WEE1: variants seen among roughly 807,000 people sequenced by gnomAD.
The protein encoded by WEE1 is wee1-like protein kinase.
A neutral mutation model predicts 68.8 loss-of-function variants in WEE1; 16 were observed. The ratio of observed to expected loss-of-function variants is 0.23; its 90% confidence interval spans 0.16 to 0.35. The LOEUF is 0.35. Among genes scored for constraint, WEE1 ranks in the 10% least tolerant of loss-of-function variants. WEE1 has a pLI of 1.00. For synonymous variants in WEE1, 349 were observed against 318.7 expected (o/e 1.09, Z -1.01); for missense variants, 651 against 824.1 (o/e 0.79, Z 2.57).
At chr11:9,577,808 G>C in intron 5 of WEE1, 2 of 448,896 alleles carry the variant, frequency 4.5e-6, no homozygotes, top group Non-Finnish European at 8.9e-6. Flanking sequence ...TCTCTAGCTT[G>C]TCGTCTCTCC....
At position 9,573,716 on chromosome 11, in the gene WEE1, C is replaced by T; in HGVS notation, c.-218C>T. The T allele has an allele frequency of 5.1e-6, 1 of 197,068 alleles. No individual in the cohort carries two copies. The highest frequency in any genetic ancestry group is 9.9e-6 in the Non-Finnish European group (1 of 100,548). The allele number at this position is 197,068 out of a possible 1,614,324, so 12.2% of individuals were successfully genotyped here. A position where few individuals can be genotyped will look rare whatever the true frequency, so the allele number is the denominator to read the frequency against. On this transcript the variant is annotated 5_prime_UTR_variant, in exon 1 of 11. Coordinates refer to ENST00000450114, the MANE Select transcript of WEE1 (RefSeq NM_003390.4). The stretch of plus-strand genomic sequence containing the variant: ...ACCTGAGGAGACCTCAGCCTCGGTG[C>T]TCGGGCCGCCCCGCCTCTGCCGGAA...
intron 6 of WEE1, among the ~76,000 whole-genome samples, chr11:9,584,431 C>T (rs1441174646): frequency 6.6e-6 from 1 of 152,154 alleles, no homozygotes; most frequent in Non-Finnish European, 1.5e-5. Context: ...CAGGCTTGAG[C>T]CACCATACCT....
At position 9,576,146 on chromosome 11, in the gene WEE1, G is replaced by C; in HGVS notation, c.782+53G>C. ...CTCCAAATAACCTAAGATTGGTTTG[G>C]TATACTTATCAAAATTTAGTTCCTA... On this transcript the variant is annotated intron_variant, in intron 2 of 10. Transcript: ENST00000450114. This position sits in a 1 kb window ranked among gnomAD's most constrained non-coding sequence, Gnocchi z 4.3. The C allele has an allele frequency of 6.2e-7, 1 of 1,609,170 alleles. No individual in the cohort carries two copies. The highest frequency in any genetic ancestry group is 8.5e-7 in the Non-Finnish European group (1 of 1,176,886).
rs1028933938 is a variant in WEE1, at chr11:9,588,774, G to C, written c.*172G>C. 28 of 1,261,172 alleles carry C rather than the reference G, an allele frequency of 2.2e-5. No homozygotes were observed. The highest frequency in any genetic ancestry group is 2.6e-5 in the Non-Finnish European group (26 of 998,736). The allele number at this position is 1,261,172 out of a possible 1,614,324, so 78.1% of individuals were successfully genotyped here. On this transcript the variant is annotated 3_prime_UTR_variant, in exon 11 of 11. Coordinates refer to ENST00000450114, the MANE Select transcript of WEE1 (RefSeq NM_003390.4). The stretch of plus-strand genomic sequence containing the variant: ...CTGTATTTTGATGATTGCTATGTCA[G>C]GCTTTCATCTAATCTTACCAGTCTG...
Position 9,574,029 on chromosome 11 carries a change from C to G in WEE1, c.96C>G (p.Asp32Glu). 7.9e-7 allele frequency: 1 copy of G among 1,271,466 alleles called. No homozygotes were observed. The highest frequency in any genetic ancestry group is 9.9e-7 in the Non-Finnish European group (1 of 1,008,368). The allele number at this position is 1,271,466 out of a possible 1,614,324, so 78.8% of individuals were successfully genotyped here. A position where few individuals can be genotyped will look rare whatever the true frequency, so the allele number is the denominator to read the frequency against. Residue 32 changes from aspartate to glutamate, a missense_variant, in exon 1 of 11, where the codon GAC becomes GAG. Asp to Glu is a conservative substitution (Grantham distance 45). Transcript: ENST00000450114. This position sits in a 1 kb window ranked among gnomAD's most constrained non-coding sequence, Gnocchi z 4.9. ...AGCTGATCTTCTCGCCCTGCAGCGA[C>G]TGTGAGGAGGAGGAAGAAGAGGAGG... ...RQKLIFSPCS[D>E]CEEEEEEEEE...
intron 6 of WEE1, among the ~76,000 whole-genome samples, chr11:9,583,738 C>T (rs1303231211): frequency 6.2e-5 from 7 of 112,644 alleles, no homozygotes; most frequent in Admixed American, 9.7e-5. Flanking sequence ...AATATTTGTG[C>T]GTGTGTGTGC....
At chr11:9,582,910 G>A (rs960015917) in intron 6 of WEE1, among the ~76,000 whole-genome samples, 1 of 152,200 alleles carries the variant, frequency 6.6e-6, no homozygotes, top group Non-Finnish European at 1.5e-5. Context: ...ATTTAAGGCA[G>A]TAAATGTGAA....
intron 6 of WEE1, among the ~76,000 whole-genome samples, chr11:9,584,699 A>G (rs1355757806): frequency 6.6e-6 from 1 of 152,124 alleles, no homozygotes; most frequent in Non-Finnish European, 1.5e-5. Context: ...TACTGATACT[A>G]CCTTTTTTGC....
At chr11:9,575,070 G>C (rs2134338728) in intron 1 of WEE1, 1 of 985,590 alleles carries the variant, frequency 1.0e-6, no homozygotes, top group Non-Finnish European at 1.2e-6. Flanking sequence ...AGCATTTACA[G>C]TCCTACAGAC....
chr11:9,585,146 C>CGGCA, intron 6 of WEE1, 112 bp from the exon 7 acceptor site: 1 of 840,362 alleles, frequency 1.2e-6, no homozygotes, highest in Non-Finnish European at 1.9e-6. Context: ...TGGGCTAGAA[C>CGGCA]TTGAGAATCG....
At chr11:9,581,971 A>G (rs544345104) in intron 6 of WEE1, among the ~76,000 whole-genome samples, 25 of 152,348 alleles carry the variant, frequency 1.6e-4, no homozygotes, top group African/African-American at 6.0e-4. Flanking sequence ...TCAAGCAGTC[A>G]TCCCACCTCA....
chr11:9,582,574 T>G (rs1017235966), intron 6 of WEE1, among the ~76,000 whole-genome samples: 1 of 152,196 alleles, frequency 6.6e-6, no homozygotes, highest in Non-Finnish European at 1.5e-5. Context: ...TCTTTCTTTT[T>G]TTCTTTTTTT....
At chr11:9,586,942 C>T (rs1589981713) in intron 10 of WEE1, 86 bp downstream of exon 10, 3 of 1,421,436 alleles carry the variant, frequency 2.1e-6, no homozygotes, top group Admixed American at 2.5e-5. Context: ...AGCTTTCTGT[C>T]AACAAAGGAT....
intron 6 of WEE1, 173 bp from the exon 7 acceptor site, chr11:9,585,085 C>T (rs1849685352): frequency 3.4e-6 from 2 of 590,866 alleles, no homozygotes; most frequent in Non-Finnish European, 5.8e-6. Context: ...AAAAAATTCC[C>T]AGCAACTATA....
chr11:9,583,753 A>ACG (rs368149320), intron 6 of WEE1, among the ~76,000 whole-genome samples: 35 of 96,942 alleles, frequency 3.6e-4, no homozygotes, highest in South Asian at 1.7e-3. Context: ...GTGTGCGTGC[A>ACG]CGCGCGCGCA....
rs1295173233 is a variant in WEE1 at position 9,583,757 on chromosome 11, GCGCGCACACA to G, written c.1289-1499_1289-1490del. Among the ~76,000 whole-genome samples, 32 of 11,548 alleles carry G rather than the reference GCGCGCACACA, an allele frequency of 2.8e-3. 1 individual carries two copies. The highest frequency in any genetic ancestry group is 0.042 in the Middle Eastern group (1 of 24). The allele number at this position is 11,548 out of a possible 152,430, so 7.6% of individuals were successfully genotyped here. ...TTTGTGCGTGTGTGTGCGTGCACGC[GCGCGCACACA>G]CACACACACACACACACACACACAC... On this transcript the variant is annotated intron_variant, in intron 6 of 10. Transcript: ENST00000450114.
At position 9,576,712 on chromosome 11, in the gene WEE1, A is replaced by G; in HGVS notation, c.1019+53A>G. On this transcript the variant is annotated intron_variant, in intron 4 of 10. Transcript: ENST00000450114. This position sits in a 1 kb window ranked among gnomAD's most constrained non-coding sequence, Gnocchi z 4.3. ...TCTTTTGTCCCCTATGGTGTTACTA[A>G]CATTAAGGTTTCAGCTGGTCAAACA... 6.5e-7 allele frequency: 1 copy of G among 1,548,330 alleles called. No individual in the cohort carries two copies. Among genetic ancestry groups the G allele is most frequent in the South Asian group, 1.2e-5 (1 of 81,134 alleles).
intron 10 of WEE1, among the ~76,000 whole-genome samples, chr11:9,588,240 G>A (rs1849724589): frequency 6.6e-6 from 1 of 152,094 alleles, no homozygotes; most frequent in Non-Finnish European, 1.5e-5. Flanking sequence ...TTTCAAGTAT[G>A]TGTGATACTG....
At chr11:9,587,490 G>A (rs75951210) in intron 10 of WEE1, among the ~76,000 whole-genome samples, 2,689 of 152,234 alleles carry the variant, frequency 0.018, 79 homozygotes, top group African/African-American at 0.061. Context: ...AAAAGTTAAC[G>A]TTGTCCTTGA....
Sources: allele counts gnomAD v4.1 joint callset (sites outside exome capture counted in the v4.1 genomes callset), GRCh38; gene constraint gnomAD v4.1.1; non-coding constraint Gnocchi (gnomAD v3.1); transcripts MANE v1.5; gene names NCBI Gene and HGNC (gene_info 2026-07-23, HGNC 2026-07-21).